Variants in BARD1 observed in about 807,000 individuals in gnomAD.
BARD1 encodes BRCA1 associated RING domain 1, also known as BRCA1-associated RING domain protein 1.
BARD1 carries 73 observed loss-of-function variants against 77.0 expected under a neutral mutation model. The observed-to-expected ratio is 0.95, with a 90% confidence interval of 0.79 to 1.15. The LOEUF (loss-of-function observed/expected upper bound fraction) is 1.15, where lower values mean the gene tolerates loss of function less well. Ranked by LOEUF, BARD1 falls within the 50% of genes most tolerant of loss-of-function variation. The probability of loss-of-function intolerance (pLI) is 0.00; values close to 1 mark genes in which losing one functional copy is unlikely to be tolerated. For missense variants in BARD1, 993 were observed against 938.8 expected (o/e 1.06, Z -0.75); for synonymous variants, 384 against 338.0 (o/e 1.14, Z -1.49).
Position 214,730,273 on chromosome 2 carries a change from A to G in BARD1, c.2001+138T>C, listed in dbSNP as rs1253514217. The G allele has an allele frequency of 1.1e-5, 8 of 734,100 alleles. No individual in the cohort carries two copies. In the African/African-American group the frequency reaches 1.4e-4, roughly 13 times the overall value. The allele number at this position is 734,100 out of a possible 1,614,324, so 45.5% of individuals were successfully genotyped here. A position where few individuals can be genotyped will look rare whatever the true frequency, so the allele number is the denominator to read the frequency against. On this transcript the variant is annotated intron_variant, in intron 10 of 10. Transcript: ENST00000260947. ...CTGCTCATCGTGATCATCTTTCAGA[A>G]TCAAGTGCTTGAAATAAGCACAATT...
intron 6 of BARD1, among the ~76,000 whole-genome samples, chr2:214,759,768 G>A (rs943197794): frequency 1.3e-5 from 2 of 152,048 alleles, no homozygotes; most frequent in African/African-American, 4.8e-5. Context: ...GCCTCTATGG[G>A]AAAAAATAGG....
chr2:214,754,835 A>C lies in BARD1; in HGVS notation c.1569-2280T>G, dbSNP rs186851078. Among the ~76,000 whole-genome samples the C allele has an allele frequency of 2.4e-4, 36 of 152,302 alleles. No individual in the cohort carries two copies. The East Asian group carries it at 6.2e-3, about 26-fold the overall frequency. ...TTACAAGTGCTACAGATGGAAAGAT[A>C]ATCAGTTTACCTCAGTCCTGCATCA... On this transcript the variant is annotated intron_variant, in intron 6 of 10. Coordinates refer to ENST00000260947, the MANE Select transcript of BARD1 (RefSeq NM_000465.4).
At chr2:214,753,910 A>G (rs1693574867) in intron 6 of BARD1, among the ~76,000 whole-genome samples, 1 of 152,164 alleles carries the variant, frequency 6.6e-6, no homozygotes, top group African/African-American at 2.4e-5. Context: ...CAAGTCCAAC[A>G]ACCTTCCTCT....
intron 4 of BARD1, among the ~76,000 whole-genome samples, chr2:214,779,801 T>C (rs1219109243): frequency 6.6e-6 from 1 of 152,214 alleles, no homozygotes; most frequent in Non-Finnish European, 1.5e-5. Context: ...CCTAATTTAG[T>C]ACTAAGGTCT....
intron 9 of BARD1, among the ~76,000 whole-genome samples, chr2:214,733,809 T>C (rs1692456387): frequency 6.6e-6 from 1 of 152,210 alleles, no homozygotes; most frequent in Non-Finnish European, 1.5e-5. Flanking sequence ...TGAGATAATC[T>C]CAATCATGGT....
chr2:214,796,699 C>T, intron 2 of BARD1: 1 of 222,792 alleles, frequency 4.5e-6, no homozygotes, highest in Non-Finnish European at 9.0e-6. Flanking sequence ...CCTTAGGAAA[C>T]TAATATAATA....
intron 9 of BARD1, among the ~76,000 whole-genome samples, chr2:214,742,719 T>C (rs543948069): frequency 1.2e-3 from 184 of 152,326 alleles, no homozygotes; most frequent in African/African-American, 4.0e-3. Flanking sequence ...GCATATTTTA[T>C]GGAAATAAAT....
intron 10 of BARD1, among the ~76,000 whole-genome samples, chr2:214,729,551 T>C (rs1020987884): frequency 1.3e-5 from 2 of 152,218 alleles, no homozygotes; most frequent in African/African-American, 4.8e-5. Context: ...GCTTCCTATT[T>C]ACAATTTTTT....
chr2:214,804,044 T>C (rs1276214266), intron 1 of BARD1, among the ~76,000 whole-genome samples: 1 of 152,232 alleles, frequency 6.6e-6, no homozygotes, highest in African/African-American at 2.4e-5. Context: ...TATCAACTGC[T>C]ATTTAATATT....
At chr2:214,751,141 ATATATATATATTTTT>A (rs1693418915) in intron 7 of BARD1, among the ~76,000 whole-genome samples, 2 of 19,500 alleles carry the variant, frequency 1.0e-4, no homozygotes, top group African/African-American at 2.4e-4. Flanking sequence ...ATATATATAT[ATATATATATATTTTT>A]TTTTTTTTTT....
chr2:214,808,471 T>C (rs1451080703), intron 1 of BARD1, among the ~76,000 whole-genome samples: 1 of 142,438 alleles, frequency 7.0e-6, no homozygotes, highest in African/African-American at 2.6e-5. Context: ...TAACTTAAGT[T>C]CTGCAAGTTA....
intron 1 of BARD1, among the ~76,000 whole-genome samples, chr2:214,803,655 G>A (rs1023512368): frequency 5.3e-5 from 8 of 152,270 alleles, no homozygotes; most frequent in African/African-American, 1.7e-4. Context: ...TCCCCCTCTC[G>A]GAGAAACACC....
chr2:214,748,017 A>G (rs1276960630), intron 7 of BARD1, among the ~76,000 whole-genome samples: 1 of 152,116 alleles, frequency 6.6e-6, no homozygotes, highest in African/African-American at 2.4e-5. Flanking sequence ...AAATAGCTCT[A>G]AACAGAACAC....
chr2:214,740,775 G>A (rs557406785), intron 9 of BARD1, among the ~76,000 whole-genome samples: 4 of 151,986 alleles, frequency 2.6e-5, no homozygotes, highest in African/African-American at 7.2e-5. Flanking sequence ...TATTTCTTGC[G>A]TAGGGTAAAT....
intron 3 of BARD1, among the ~76,000 whole-genome samples, chr2:214,789,169 A>C (rs1695407917): frequency 6.6e-6 from 1 of 152,156 alleles, no homozygotes; most frequent in South Asian, 2.1e-4. Context: ...AAGGTCTATG[A>C]ATGCATAGAT....
At chr2:214,772,427 C>T (rs1306023697) in intron 4 of BARD1, among the ~76,000 whole-genome samples, 1 of 151,896 alleles carries the variant, frequency 6.6e-6, no homozygotes, top group East Asian at 1.9e-4. Flanking sequence ...AAGATTTCCC[C>T]ATTCTAATTC....
At position 214,781,520 on chromosome 2, in the gene BARD1, A is replaced by G; in HGVS notation, c.365-11T>C. ...TATCTTCTTTCAAATCTGACAGAAAAAAAGAAAAAGAAATCTGTTACATGA... is the reference window on the plus strand; with the variant it reads ...TATCTTCTTTCAAATCTGACAGAAAGAAAGAAAAAGAAATCTGTTACATGA... On this transcript the variant is annotated splice_polypyrimidine_tract_variant and intron_variant, in intron 3 of 10. Coordinates refer to ENST00000260947, the MANE Select transcript of BARD1 (RefSeq NM_000465.4). 6.3e-7 allele frequency: 1 copy of G among 1,598,902 alleles called. No individual in the cohort carries two copies. The highest frequency in any genetic ancestry group is 1.1e-5 in the South Asian group (1 of 89,808).
chr2:214,726,709 T>A lies in BARD1; in HGVS notation c.*1967A>T, dbSNP rs552528493. Reference sequence around the variant, plus strand: ...TCTATGATTGAAAAATAAAAAATAATTACATGTATATCTACACAGAAAGTA... The same window carrying A: ...TCTATGATTGAAAAATAAAAAATAAATACATGTATATCTACACAGAAAGTA... On this transcript the variant is annotated 3_prime_UTR_variant, in exon 11 of 11. Coordinates refer to ENST00000260947, the MANE Select transcript of BARD1 (RefSeq NM_000465.4). 1.1e-4 allele frequency: 24 copies of A among 227,618 alleles called. No homozygotes were observed. Among genetic ancestry groups the A allele is most frequent in the Middle Eastern group, 1.3e-3 (1 of 754 alleles). The allele number at this position is 227,618 out of a possible 1,614,324, so 14.1% of individuals were successfully genotyped here. A position where few individuals can be genotyped will look rare whatever the true frequency, so the allele number is the denominator to read the frequency against.
intron 3 of BARD1, among the ~76,000 whole-genome samples, chr2:214,782,609 T>A (rs904557038): frequency 1.3e-4 from 19 of 151,804 alleles, no homozygotes; most frequent in African/African-American, 4.6e-4. Flanking sequence ...AGAAAAAAAA[T>A]TGTCTCTATG....
Sources: gnomAD v4.1 joint callset for allele counts (sites outside exome capture counted in the v4.1 genomes callset) on GRCh38, gnomAD v4.1.1 for gene constraint, MANE v1.5 for transcripts, NCBI Gene and HGNC (gene_info 2026-07-23, HGNC 2026-07-21) for gene names.